The following ADAM28 variants were observed in gnomAD, a reference collection of about 807,000 sequenced individuals.
ADAM28 encodes disintegrin and metalloproteinase domain-containing protein 28.
Under a neutral mutation model 101.2 loss-of-function variants are expected in ADAM28, and 105 were observed. The ratio of observed to expected loss-of-function variants is 1.04; its 90% CI spans 0.89 to 1.22. The LOEUF is 1.22. ADAM28 is among the 50% of genes most tolerant of loss of function. The pLI is 0.00. For missense variants in ADAM28, 1,028 were observed against 945.4 expected (o/e 1.09, Z -1.15); for synonymous variants, 322 against 310.6 (o/e 1.04, Z -0.39).
intron 6 of ADAM28, among the ~76,000 whole-genome samples, chr8:24,318,519 A>C (rs936652958): frequency 2.0e-5 from 3 of 151,820 alleles, no homozygotes; most frequent in African/African-American, 7.3e-5. Context: ...CCCTCTCCTA[A>C]AGGCCAGACT....
chr8:24,316,623 A>ATAACATCATAATCAATC (rs1401798511), intron 6 of ADAM28, among the ~76,000 whole-genome samples: 1 of 152,042 alleles, frequency 6.6e-6, no homozygotes, highest in Non-Finnish European at 1.5e-5. Context: ...AAAGCCGCTG[A>ATAACATCATAATCAATC]TAACATCATA....
At chr8:24,330,356 C>A (rs947003318) in intron 11 of ADAM28, among the ~76,000 whole-genome samples, 2 of 152,102 alleles carry the variant, frequency 1.3e-5, no homozygotes, top group Non-Finnish European at 2.9e-5. Context: ...CTATACAAGA[C>A]CTGGCTTCAG....
In ADAM28 at chr8:24,358,042, TCTC is replaced by T. The variant is rs1816792702; in HGVS notation, c.*3639_*3641del. The T allele has an allele frequency of 6.6e-6, 1 of 152,230 alleles. No homozygotes were observed. The highest frequency in any genetic ancestry group is 2.4e-5 in the African/African-American group (1 of 41,456). 9.4% of individuals were successfully genotyped at this position (152,230 alleles called of 1,614,324 possible). A position where few individuals can be genotyped will look rare whatever the true frequency, so the allele number is the denominator to read the frequency against. On this transcript the variant is annotated 3_prime_UTR_variant, in exon 23 of 23. Transcript: ENST00000265769. ...GTTTCTCTTGTTTACTTAATAACAT[TCTC>T]TTCTTTCCTATCAGTTTAATTTTAT...
intron 10 of ADAM28, among the ~76,000 whole-genome samples, chr8:24,329,775 C>A (rs189299078): frequency 3.9e-5 from 6 of 152,002 alleles, no homozygotes; most frequent in Admixed American, 3.9e-4. Context: ...GGAACCTACT[C>A]AAAGAGGAAA....
intron 2 of ADAM28, among the ~76,000 whole-genome samples, chr8:24,305,666 T>C (rs1005097253): frequency 2.0e-5 from 3 of 152,100 alleles, no homozygotes; most frequent in Non-Finnish European, 4.4e-5. Flanking sequence ...AAAAATTACC[T>C]AAACAATTAG....
At chr8:24,350,288 G>A (rs1044647641) in intron 19 of ADAM28, among the ~76,000 whole-genome samples, 2 of 151,858 alleles carry the variant, frequency 1.3e-5, no homozygotes, top group Admixed American at 6.6e-5. Context: ...ATCAATATAC[G>A]ATGAGCACTG....
chr8:24,303,734 G>A (rs1809155550), intron 2 of ADAM28, among the ~76,000 whole-genome samples: 1 of 152,182 alleles, frequency 6.6e-6, no homozygotes, highest in African/African-American at 2.4e-5. Flanking sequence ...ACTGTGGGCA[G>A]TATGGCTATT....
intron 2 of ADAM28, among the ~76,000 whole-genome samples, chr8:24,302,268 T>C (rs1287265719): frequency 2.0e-5 from 3 of 152,174 alleles, no homozygotes; most frequent in Non-Finnish European, 4.4e-5. Flanking sequence ...AAGGACATGA[T>C]CCTGTTCCTT....
chr8:24,299,743 T>G, intron 1 of ADAM28: 1 of 327,314 alleles, frequency 3.1e-6, no homozygotes. Flanking sequence ...CCTGTAAACT[T>G]TTAGTGGGGA....
chr8:24,349,627 T>C (rs1287432269), intron 18 of ADAM28, among the ~76,000 whole-genome samples: 1 of 152,248 alleles, frequency 6.6e-6, no homozygotes, highest in Admixed American at 6.5e-5. Flanking sequence ...CTCAATATTA[T>C]GATTTTTAAC....
chr8:24,342,832 C>A, intron 16 of ADAM28: 1 of 411,234 alleles, frequency 2.4e-6, no homozygotes, highest in Non-Finnish European at 4.3e-6. Context: ...TATCCCTTAA[C>A]TTCTTGCATA....
rs1811823153 is a variant in ADAM28 at position 24,321,154 on chromosome 8, T to G, written c.649-64T>G. The G allele has an allele frequency of 1.2e-5, 12 of 1,033,044 alleles. No individual in the cohort carries two copies. The South Asian group carries it at 1.5e-4, about 13-fold the overall frequency. The allele number at this position is 1,033,044 out of a possible 1,614,324, so 64.0% of individuals were successfully genotyped here. A position where few individuals can be genotyped will look rare whatever the true frequency, so the allele number is the denominator to read the frequency against. ...ATAAGTAATATAAGAGAAGATGCCT[T>G]TTTAACCTTCCAAGTATATTCATTT... is the stretch of plus-strand genomic sequence containing the variant. On this transcript the variant is annotated intron_variant, in intron 7 of 22. Coordinates refer to ENST00000265769, the MANE Select transcript of ADAM28 (RefSeq NM_014265.6).
intron 1 of ADAM28, among the ~76,000 whole-genome samples, chr8:24,297,618 G>A (rs1036362872): frequency 3.3e-5 from 5 of 152,174 alleles, no homozygotes; most frequent in African/African-American, 1.2e-4. Flanking sequence ...ATCTTAACAA[G>A]ACTAATTGCA....
intron 20 of ADAM28, 22 bp downstream of exon 20, chr8:24,351,332 G>A (rs1816103829): frequency 6.2e-7 from 1 of 1,605,410 alleles, no homozygotes; most frequent in Non-Finnish European, 8.5e-7. Flanking sequence ...AGTCTGGGCT[G>A]TGATTACCAT....
chr8:24,306,376 A>ATG lies in ADAM28; in HGVS notation c.151-3517_151-3516insGT, dbSNP rs1446193598. Among the ~76,000 whole-genome samples, 15 of 139,632 alleles carry ATG rather than the reference A, an allele frequency of 1.1e-4. 1 individual carries two copies. Among genetic ancestry groups the ATG allele is most frequent in the African/African-American group, 4.1e-4 (15 of 36,588 alleles). 91.6% of individuals were successfully genotyped at this position (139,632 alleles called of 152,430 possible). The stretch of plus-strand genomic sequence containing the variant: ...AATAAATAAATAAATATATATATAT[A>ATG]TATATATATTTAAAAATATATATAT... On this transcript the variant is annotated intron_variant, in intron 2 of 22. Transcript: ENST00000265769.
chr8:24,299,150 G>C (rs1396290731), intron 1 of ADAM28, among the ~76,000 whole-genome samples: 4 of 152,152 alleles, frequency 2.6e-5, no homozygotes, highest in Admixed American at 2.6e-4. Flanking sequence ...CCCTGTTTGT[G>C]CCTCTGCACT....
chr8:24,326,715 A>C (rs985564620), intron 10 of ADAM28, 80 bp downstream of exon 10: 36 of 1,361,660 alleles, frequency 2.6e-5, no homozygotes, highest in Non-Finnish European at 3.6e-5. Context: ...GAAGATCATG[A>C]TAGTTTTTCT....
intron 9 of ADAM28, among the ~76,000 whole-genome samples, chr8:24,325,373 C>G (rs1012729901): frequency 1.3e-5 from 2 of 151,642 alleles, no homozygotes; most frequent in African/African-American, 4.8e-5. Flanking sequence ...TACCATTTAC[C>G]AAACAAGTTA....
chr8:24,354,598 G>T lies in ADAM28; in HGVS notation c.*194G>T. ...GAGGAACATATGCCTGAGAACCTTTGCATGAATTTAAAATTTCAATTATCC... is the reference window on the plus strand; with the variant it reads ...GAGGAACATATGCCTGAGAACCTTTTCATGAATTTAAAATTTCAATTATCC... On this transcript the variant is annotated 3_prime_UTR_variant, in exon 23 of 23. Coordinates refer to ENST00000265769, the MANE Select transcript of ADAM28 (RefSeq NM_014265.6). The T allele has an allele frequency of 2.1e-6, 1 of 465,680 alleles. No individual in the cohort carries two copies. The highest frequency in any genetic ancestry group is 5.2e-5 in the South Asian group (1 of 19,332). The allele number at this position is 465,680 out of a possible 1,614,324, so 28.8% of individuals were successfully genotyped here. A position where few individuals can be genotyped will look rare whatever the true frequency, so the allele number is the denominator to read the frequency against.
Sources: allele counts gnomAD v4.1 joint callset (sites outside exome capture counted in the v4.1 genomes callset), GRCh38; gene constraint gnomAD v4.1.1; transcripts MANE v1.5; gene names NCBI Gene and HGNC (gene_info 2026-07-23, HGNC 2026-07-21).